The following ORC3 variants were observed in gnomAD, a reference collection of about 807,000 sequenced individuals.
ORC3 encodes the protein homolog of latheo, Drosophila.
Under a neutral mutation model 100.7 loss-of-function variants are expected in ORC3, and 78 were observed. The observed-to-expected ratio is 0.77, with a 90% CI of 0.65 to 0.94. The LOEUF (loss-of-function observed/expected upper bound fraction) is 0.94, where lower values mean the gene tolerates loss of function less well. Among genes scored for constraint, ORC3 ranks in the 40% least tolerant of loss-of-function variants. The probability of loss-of-function intolerance (pLI) is 0.00; values close to 1 mark genes in which losing one functional copy is unlikely to be tolerated. For missense variants in ORC3, 789 were observed against 823.9 expected (o/e 0.96, Z 0.52); for synonymous variants, 295 against 289.3 (o/e 1.02, Z -0.20).
At chr6:87,593,459 G>A (rs564769656) in intron 1 of ORC3, among the ~76,000 whole-genome samples, 2 of 152,348 alleles carry the variant, frequency 1.3e-5, no homozygotes, top group South Asian at 4.1e-4. Context: ...CAAGTACTGA[G>A]AGATCTCGAG....
chr6:87,603,089 C>T (rs1778085589), intron 3 of ORC3, among the ~76,000 whole-genome samples: 1 of 150,204 alleles, frequency 6.7e-6, no homozygotes, highest in Non-Finnish European at 1.5e-5. Flanking sequence ...AAGTGACCCT[C>T]TCACCTCAGC....
chr6:87,620,877 T>A (rs1461873745), intron 9 of ORC3, among the ~76,000 whole-genome samples: 1 of 152,202 alleles, frequency 6.6e-6, no homozygotes, highest in Non-Finnish European at 1.5e-5. Context: ...GGAAAAAAAT[T>A]AATTTGTAAA....
At chr6:87,664,954 A>G (rs1770483384) in intron 18 of ORC3, 95 bp downstream of exon 18, 2 of 729,734 alleles carry the variant, frequency 2.7e-6, no homozygotes, top group Admixed American at 2.6e-5. Flanking sequence ...TTTGGAATTT[A>G]TCTTGTGTTT....
chr6:87,612,955 GT>G (rs1378205854), intron 8 of ORC3, among the ~76,000 whole-genome samples: 7 of 152,172 alleles, frequency 4.6e-5, no homozygotes, highest in Non-Finnish European at 8.8e-5. Context: ...TTAGTGGACT[GT>G]TTCCTAACTG....
chr6:87,607,849 C>T (rs1048797292), intron 6 of ORC3, 25 bp downstream of exon 6: 26 of 1,558,232 alleles, frequency 1.7e-5, no homozygotes, highest in African/African-American at 2.7e-5. Flanking sequence ...ATGATTTTCT[C>T]CCAGGAAATT....
chr6:87,610,545 T>A (rs201041564), intron 7 of ORC3, among the ~76,000 whole-genome samples: 7 of 133,042 alleles, frequency 5.3e-5, no homozygotes, highest in East Asian at 4.0e-4. Context: ...CTTTATTTTT[T>A]TTTATTTTTT....
chr6:87,671,113 GTTTTAC>G (rs539932637), downstream of ORC3, among the ~76,000 whole-genome samples: 397 of 152,196 alleles, frequency 2.6e-3, 2 homozygotes, highest in African/African-American at 8.8e-3. Flanking sequence ...CCTTTGTGAA[GTTTTAC>G]TTTTACTTAG....
chr6:87,665,011 A>G (rs1770488002), intron 18 of ORC3, 152 bp downstream of exon 18: 1 of 580,892 alleles, frequency 1.7e-6, no homozygotes, highest in Non-Finnish European at 3.0e-6. Context: ...TCAAACTTTA[A>G]AAGTTCCTTA....
Position 87,616,436 on chromosome 6 carries a change from A to G in ORC3, c.987+9A>G. On this transcript the variant is annotated intron_variant, in intron 9 of 19. Coordinates refer to ENST00000392844, the MANE Select transcript of ORC3 (RefSeq NM_012381.4). The stretch of plus-strand genomic sequence containing the variant: ...TTATAAAAGGACTTCAGGTAAGAAC[A>G]CAGTAATGGGTTTGAAAATTCTCAA... 1 of 1,073,070 alleles carries G rather than the reference A, an allele frequency of 9.3e-7. No homozygotes were observed. The highest frequency in any genetic ancestry group is 1.4e-6 in the Non-Finnish European group (1 of 692,482). The allele number at this position is 1,073,070 out of a possible 1,614,324, so 66.5% of individuals were successfully genotyped here.
At chr6:87,658,350 G>C (rs1015222101) in intron 16 of ORC3, among the ~76,000 whole-genome samples, 8 of 151,958 alleles carry the variant, frequency 5.3e-5, no homozygotes, top group African/African-American at 1.9e-4. Flanking sequence ...CCAGCTACTC[G>C]GGAGGCTGAG....
At chr6:87,593,633 C>T (rs1777205788) in intron 1 of ORC3, among the ~76,000 whole-genome samples, 1 of 152,200 alleles carries the variant, frequency 6.6e-6, no homozygotes, top group Non-Finnish European at 1.5e-5. Context: ...ATAGATACTT[C>T]GAGTTTAAAT....
rs772693754 is a variant in ORC3, at chr6:87,641,585, T to C, written c.1382+5099T>C. Among the ~76,000 whole-genome samples, 5 of 152,132 alleles carry C rather than the reference T, an allele frequency of 3.3e-5. No individual in the cohort carries two copies. In the South Asian group the frequency reaches 8.3e-4, roughly 25 times the overall value. On this transcript the variant is annotated intron_variant, in intron 13 of 19. Transcript: ENST00000392844. ...CAGTGTCTAGTCTGCTTATCCTAAGTGTAACCTTATGAGCTTGCAAAGAAA... is the reference window on the plus strand; with the variant it reads ...CAGTGTCTAGTCTGCTTATCCTAAGCGTAACCTTATGAGCTTGCAAAGAAA...
intron 2 of ORC3, among the ~76,000 whole-genome samples, chr6:87,601,530 C>T (rs1333836495): frequency 5.3e-5 from 8 of 151,926 alleles, no homozygotes; most frequent in Admixed American, 4.6e-4. Flanking sequence ...ATTGAGCGGG[C>T]GTGGTGGCAC....
At chr6:87,666,864 T>G (rs1208027611) in intron 19 of ORC3, 154 bp from the exon 20 acceptor site, 1 of 153,324 alleles carries the variant, frequency 6.5e-6, no homozygotes, top group African/African-American at 2.4e-5. Flanking sequence ...TAGTGGATTC[T>G]AATTAATGTT....
intron 7 of ORC3, among the ~76,000 whole-genome samples, chr6:87,610,075 C>A (rs904184553): frequency 4.6e-5 from 7 of 152,146 alleles, no homozygotes; most frequent in South Asian, 2.1e-4. Context: ...AATCCAGTGA[C>A]ATGCATTTTC....
intron 1 of ORC3, among the ~76,000 whole-genome samples, chr6:87,590,697 C>T (rs1776773976): frequency 6.6e-6 from 1 of 152,116 alleles, no homozygotes; most frequent in Non-Finnish European, 1.5e-5. Context: ...GAAAGTGACC[C>T]TTTCGCTGAG....
chr6:87,616,352 A>G lies in ORC3; in HGVS notation c.912A>G (p.Glu304=). ...LTTQFPFKIN[E]KVLQVLTNIF... ...CTCAGTTTCCCTTTAAAATAAATGA[A>G]AAAGTATTACAGGTTCTGACCAACA... Residue 304 remains glutamate, a synonymous_variant, in exon 9 of 20, where the codon GAA becomes GAG. Transcript: ENST00000392844. 1 of 1,535,274 alleles carries G rather than the reference A, an allele frequency of 6.5e-7. No individual in the cohort carries two copies. Among genetic ancestry groups the G allele is most frequent in the Non-Finnish European group, 9.0e-7 (1 of 1,109,200 alleles).
At chr6:87,643,730 A>G (rs7758126) in intron 13 of ORC3, among the ~76,000 whole-genome samples, 2 of 152,034 alleles carry the variant, frequency 1.3e-5, no homozygotes, top group Non-Finnish European at 1.5e-5. Context: ...AATTTTGACA[A>G]CTCTTTTCTT....
At chr6:87,652,024 G>A (rs1041311039) in intron 13 of ORC3, among the ~76,000 whole-genome samples, 6 of 148,494 alleles carry the variant, frequency 4.0e-5, no homozygotes, top group Non-Finnish European at 7.5e-5. Context: ...TCAGCCTCCC[G>A]AGTAGCTGGG....
Sources: allele counts gnomAD v4.1 joint callset (sites outside exome capture counted in the v4.1 genomes callset), GRCh38; gene constraint gnomAD v4.1.1; transcripts MANE v1.5; gene names NCBI Gene and HGNC (gene_info 2026-07-23, HGNC 2026-07-21).